SLC7A11: variants seen among roughly 807,000 people sequenced by gnomAD.
SLC7A11 encodes the protein solute carrier family 7 member 11, also known as cystine/glutamate transporter.
A neutral mutation model predicts 54.5 loss-of-function variants in SLC7A11; 35 were observed. The observed-to-expected ratio is 0.64, with a 90% CI of 0.49 to 0.85. The LOEUF (loss-of-function observed/expected upper bound fraction) is 0.85. Ranked by LOEUF, SLC7A11 falls within the 40% of genes least tolerant of loss-of-function variation. The pLI is 0.00. For synonymous variants in SLC7A11, 230 were observed against 225.2 expected (o/e 1.02, Z -0.19); for missense variants, 583 against 618.1 (o/e 0.94, Z 0.60).
Position 138,242,308 on chromosome 4 carries a change from ACTGCTG to A in SLC7A11, c.-245_-240del, listed in dbSNP as rs953811634. 19 of 547,284 alleles carry A rather than the reference ACTGCTG, an allele frequency of 3.5e-5. No homozygotes were observed. Among genetic ancestry groups the A allele is most frequent in the Middle Eastern group, 3.1e-4 (1 of 3,208 alleles). 33.9% of individuals were successfully genotyped at this position (547,284 alleles called of 1,614,324 possible). ...CAATTCTCCACCTCCTCGTTCCACC[ACTGCTG>A]CTGCTGCTGCTGCTGCCGCCCTATC... On this transcript the variant is annotated 5_prime_UTR_variant, in exon 1 of 12. Transcript: ENST00000280612.
intron 10 of SLC7A11, among the ~76,000 whole-genome samples, chr4:138,180,202 A>G (rs1736702096): frequency 6.6e-6 from 1 of 152,126 alleles, no homozygotes; most frequent in African/African-American, 2.4e-5. Flanking sequence ...AAGTCACAAC[A>G]TTTAAGTACT....
intron 6 of SLC7A11, among the ~76,000 whole-genome samples, chr4:138,201,841 G>A (rs1160282896): frequency 6.6e-6 from 1 of 152,090 alleles, no homozygotes; most frequent in African/African-American, 2.4e-5. Context: ...ACGATCTTAA[G>A]GTAAGCATTA....
At chr4:138,200,978 A>G (rs1208017928) in intron 6 of SLC7A11, among the ~76,000 whole-genome samples, 1 of 152,152 alleles carries the variant, frequency 6.6e-6, no homozygotes, top group Non-Finnish European at 1.5e-5. Flanking sequence ...ACCATAGACT[A>G]TCAGGGAGGA....
At chr4:138,215,899 A>G (rs1328423263) in intron 5 of SLC7A11, among the ~76,000 whole-genome samples, 1 of 152,220 alleles carries the variant, frequency 6.6e-6, no homozygotes, top group African/African-American at 2.4e-5. Flanking sequence ...TTTTCCCACA[A>G]TGTTAAAGCA....
At chr4:138,206,884 A>G (rs55836911) in intron 6 of SLC7A11, among the ~76,000 whole-genome samples, 26,751 of 151,522 alleles carry the variant, frequency 0.18, 2,520 homozygotes, top group East Asian at 0.32. Context: ...CATCTGGCCA[A>G]ATACCGATCT....
Position 138,187,472 on chromosome 4 carries a change from T to C in SLC7A11, c.792-2228A>G, listed in dbSNP as rs796140389. Among the ~76,000 whole-genome samples, 7 of 152,302 alleles carry C rather than the reference T, an allele frequency of 4.6e-5. No individual in the cohort carries two copies. In the South Asian group the frequency reaches 1.4e-3, roughly 32 times the overall value. On this transcript the variant is annotated intron_variant, in intron 6 of 11. Transcript: ENST00000280612. ...GAGAGCTTAAATAACTATTTAAGGA[T>C]ACACAATTAGTAAGTGGAAGCCCCA...
In SLC7A11 at chr4:138,170,261, TA is replaced by T. The variant is rs1364392790; in HGVS notation, c.*1694del. 6.2e-5 allele frequency: 6 copies of T among 97,050 alleles called. No individual in the cohort carries two copies. Among genetic ancestry groups the T allele is most frequent in the African/African-American group, 1.5e-4 (4 of 27,458 alleles). The allele number at this position is 97,050 out of a possible 1,614,324, so 6.0% of individuals were successfully genotyped here. On this transcript the variant is annotated 3_prime_UTR_variant, in exon 12 of 12. Transcript: ENST00000280612. The stretch of plus-strand genomic sequence containing the variant: ...GTGTGTGTGTGTGTGTATATATATA[TA>T]TATATATATACACACACACACACAC...
Position 138,171,950 on chromosome 4 carries a change from A to G in SLC7A11, c.*6T>C, listed in dbSNP as rs1422897480. On this transcript the variant is annotated 3_prime_UTR_variant, in exon 12 of 12. Coordinates refer to ENST00000280612, the MANE Select transcript of SLC7A11 (RefSeq NM_014331.4). The stretch of plus-strand genomic sequence containing the variant: ...GGCAGATTGCCAAGATCTCAAGTCC[A>G]TTAGTTCATAACTTATCTTCTTCTG... 1.3e-6 allele frequency: 2 copies of G among 1,589,872 alleles called. No homozygotes were observed. The highest frequency in any genetic ancestry group is 1.8e-5 in the Admixed American group (1 of 54,280).
At chr4:138,214,262 C>T (rs924309604) in intron 6 of SLC7A11, among the ~76,000 whole-genome samples, 1 of 151,662 alleles carries the variant, frequency 6.6e-6, no homozygotes, top group South Asian at 2.1e-4. Context: ...GTTTAGAGTC[C>T]GTATTAAGTT....
intron 8 of SLC7A11, 53 bp downstream of exon 8, chr4:138,183,148 AC>A (rs1292579488): frequency 6.3e-5 from 78 of 1,231,592 alleles, no homozygotes; most frequent in Non-Finnish European, 9.1e-5. Flanking sequence ...TATCCTTATC[AC>A]ATCCAATCTC....
rs1463889909 is a variant in SLC7A11, at chr4:138,166,571, A to G, written c.*5385T>C. The G allele has an allele frequency of 6.6e-6, 1 of 152,584 alleles. No homozygotes were observed. Among genetic ancestry groups the G allele is most frequent in the Admixed American group, 6.6e-5 (1 of 15,248 alleles). The allele number at this position is 152,584 out of a possible 1,614,324, so 9.5% of individuals were successfully genotyped here. On this transcript the variant is annotated 3_prime_UTR_variant, in exon 12 of 12. Transcript: ENST00000280612. ...AAAATCAGTAGTGTATATGTTGAGG[A>G]AAAAAAGCATGTTCACTCTGGAACA...
At chr4:138,228,963 A>C (rs1292328642) in intron 3 of SLC7A11, among the ~76,000 whole-genome samples, 2 of 152,172 alleles carry the variant, frequency 1.3e-5, no homozygotes, top group Non-Finnish European at 2.9e-5. Context: ...ACTTAAAAAA[A>C]TGGGGGTGAA....
rs904613235 is a variant in SLC7A11 at position 138,219,261 on chromosome 4, C to T, written c.746+5G>A. 2 of 1,539,182 alleles carry T rather than the reference C, an allele frequency of 1.3e-6. No homozygotes were observed. Reference sequence around the variant, plus strand: ...AAACCACCAGATCTGGAGCTATCAACTTACCAGCCAGCATATGCATACATT... The same window carrying T: ...AAACCACCAGATCTGGAGCTATCAATTTACCAGCCAGCATATGCATACATT... On this transcript the variant is annotated splice_donor_5th_base_variant and intron_variant, in intron 5 of 11. Coordinates refer to ENST00000280612, the MANE Select transcript of SLC7A11 (RefSeq NM_014331.4).
intron 6 of SLC7A11, among the ~76,000 whole-genome samples, chr4:138,205,821 C>T (rs1339783579): frequency 6.6e-6 from 1 of 152,014 alleles, no homozygotes; most frequent in African/African-American, 2.4e-5. Flanking sequence ...TGACTTAATG[C>T]TTCTGATTAT....
In SLC7A11 at chr4:138,171,861, A is replaced by G. The variant is rs1736433296; in HGVS notation, c.*95T>C. 4.7e-6 allele frequency: 7 copies of G among 1,480,976 alleles called. No individual in the cohort carries two copies. The highest frequency in any genetic ancestry group is 2.5e-5 in the East Asian group (1 of 39,896). The allele number at this position is 1,480,976 out of a possible 1,614,324, so 91.7% of individuals were successfully genotyped here. A position where few individuals can be genotyped will look rare whatever the true frequency, so the allele number is the denominator to read the frequency against. Reference sequence around the variant, plus strand: ...TAACTGACTCCTTTTGTTTATCACCAAAGTTGTAATTCTCTAGACTTTCAG... The same window carrying G: ...TAACTGACTCCTTTTGTTTATCACCGAAGTTGTAATTCTCTAGACTTTCAG... On this transcript the variant is annotated 3_prime_UTR_variant, in exon 12 of 12. Coordinates refer to ENST00000280612, the MANE Select transcript of SLC7A11 (RefSeq NM_014331.4).
chr4:138,223,084 T>C, intron 4 of SLC7A11, 115 bp downstream of exon 4: 11 of 936,486 alleles, frequency 1.2e-5, no homozygotes, highest in South Asian at 5.2e-5. Flanking sequence ...ATATAGAGTT[T>C]AAGTTCCACA....
In SLC7A11 at chr4:138,180,621, A is replaced by T; in HGVS notation, c.1266+20T>A. 6.2e-7 allele frequency: 1 copy of T among 1,611,310 alleles called. No individual in the cohort carries two copies. Among genetic ancestry groups the T allele is most frequent in the Non-Finnish European group, 8.5e-7 (1 of 1,178,514 alleles). On this transcript the variant is annotated intron_variant, in intron 10 of 11. Coordinates refer to ENST00000280612, the MANE Select transcript of SLC7A11 (RefSeq NM_014331.4). ...TTAGGAGAGAGATTTATGTAAACCC[A>T]TCAAGATTGCTGAGGTTACCTTGAA...
intron 5 of SLC7A11, among the ~76,000 whole-genome samples, chr4:138,218,949 G>A (rs1421402681): frequency 4.6e-5 from 7 of 152,008 alleles, no homozygotes; most frequent in African/African-American, 1.2e-4. Context: ...AGTACCTTAC[G>A]GCACTATTAT....
At chr4:138,185,266 C>T (rs761001263) in intron 6 of SLC7A11, 22 bp from the exon 7 acceptor site, 54 of 1,609,778 alleles carry the variant, frequency 3.4e-5, no homozygotes, top group Non-Finnish European at 4.5e-5. Flanking sequence ...AAAGGAATCA[C>T]TTATTCATTA....
Sources: allele counts gnomAD v4.1 joint callset (sites outside exome capture counted in the v4.1 genomes callset), GRCh38; gene constraint gnomAD v4.1.1; transcripts MANE v1.5; gene names NCBI Gene and HGNC (gene_info 2026-07-23, HGNC 2026-07-21).